Variants in KLHL32 observed in about 807,000 individuals in gnomAD.
The protein encoded by KLHL32 is kelch like family member 32.
In KLHL32, 35 loss-of-function variants were observed where a neutral mutation model predicts 64.8. The ratio of observed to expected loss-of-function variants is 0.54; its 90% CI spans 0.41 to 0.72. The LOEUF is 0.72. Among genes scored for constraint, KLHL32 ranks in the 30% least tolerant of loss-of-function variants. The pLI is 0.00. For missense variants in KLHL32, 589 were observed against 768.5 expected, an observed-to-expected ratio of 0.77 and a Z score of 2.76; for synonymous variants, 259 against 281.0, an observed-to-expected ratio of 0.92 and a Z score of 0.78.
intron 6 of KLHL32, among the ~76,000 whole-genome samples, chr6:97,112,434 G>T (rs1483606853): frequency 6.6e-6 from 1 of 151,892 alleles, no homozygotes; most frequent in Non-Finnish European, 1.5e-5. Flanking sequence ...ATGAATTGTG[G>T]TTTTTTCATT....
At chr6:97,057,027 G>T (rs1369798243) in intron 4 of KLHL32, among the ~76,000 whole-genome samples, 1 of 152,050 alleles carries the variant, frequency 6.6e-6, no homozygotes, top group African/African-American at 2.4e-5. Context: ...TAATTTTCAT[G>T]TATCACAACA....
At position 97,139,891 on chromosome 6, in the gene KLHL32, T is replaced by G. The variant is rs1021306863; in HGVS notation, c.*609T>G. ...GTTACTCTGACCTTGGGTCAGAACCTAACTTTACAGTGCTTCAGTTTTCCC... is the reference window on the plus strand; with the variant it reads ...GTTACTCTGACCTTGGGTCAGAACCGAACTTTACAGTGCTTCAGTTTTCCC... On this transcript the variant is annotated 3_prime_UTR_variant, in exon 11 of 11. Coordinates refer to ENST00000369261, the MANE Select transcript of KLHL32 (RefSeq NM_052904.4). 5.3e-5 allele frequency: 8 copies of G among 152,210 alleles called. No individual in the cohort carries two copies. The highest frequency in any genetic ancestry group is 1.9e-4 in the African/African-American group (8 of 41,462). 9.4% of individuals were successfully genotyped at this position (152,210 alleles called of 1,614,324 possible). A position where few individuals can be genotyped will look rare whatever the true frequency, so the allele number is the denominator to read the frequency against.
At chr6:97,118,062 G>T (rs1797987158) in intron 7 of KLHL32, among the ~76,000 whole-genome samples, 1 of 152,044 alleles carries the variant, frequency 6.6e-6, no homozygotes, top group Admixed American at 6.6e-5. Context: ...CTAGGAGCTG[G>T]CAATCAAATA....
chr6:97,101,344 A>C (rs1322704723), intron 6 of KLHL32, among the ~76,000 whole-genome samples: 1 of 152,162 alleles, frequency 6.6e-6, no homozygotes, highest in African/African-American at 2.4e-5. Context: ...ACAATTCCAA[A>C]TTTCATTAGA....
At chr6:97,112,406 A>G (rs2128208766) in intron 6 of KLHL32, among the ~76,000 whole-genome samples, 1 of 151,944 alleles carries the variant, frequency 6.6e-6, no homozygotes, top group East Asian at 1.9e-4. Flanking sequence ...TAATTAAATT[A>G]CTTTAGGTGC....
At chr6:97,061,564 TC>T (rs2128149528) in intron 4 of KLHL32, among the ~76,000 whole-genome samples, 1 of 152,290 alleles carries the variant, frequency 6.6e-6, no homozygotes, top group African/African-American at 2.4e-5. Flanking sequence ...ATCTCTTCCT[TC>T]CTGCAGGTGG....
At chr6:97,105,800 A>T (rs571352263) in intron 6 of KLHL32, among the ~76,000 whole-genome samples, 1 of 152,196 alleles carries the variant, frequency 6.6e-6, no homozygotes, top group East Asian at 1.9e-4. Flanking sequence ...AGACAATGAC[A>T]TAGGGCTTTA....
At chr6:97,043,822 A>G (rs1018815495) in intron 4 of KLHL32, among the ~76,000 whole-genome samples, 2 of 151,962 alleles carry the variant, frequency 1.3e-5, no homozygotes, top group African/African-American at 4.8e-5. Flanking sequence ...TTTTTTTCAT[A>G]TATCTGTTGG....
At chr6:96,987,584 C>A (rs2128058865) in intron 3 of KLHL32, among the ~76,000 whole-genome samples, 1 of 152,234 alleles carries the variant, frequency 6.6e-6, no homozygotes, top group East Asian at 1.9e-4. Context: ...ACTTTCTTCA[C>A]AGAATTGGAA....
chr6:96,920,072 C>A (rs1768702131), upstream of KLHL32, among the ~76,000 whole-genome samples: 1 of 152,130 alleles, frequency 6.6e-6, no homozygotes, highest in Non-Finnish European at 1.5e-5. Flanking sequence ...GGGAAAAAAA[C>A]CCGATGAGGA....
intron 1 of KLHL32, among the ~76,000 whole-genome samples, chr6:96,946,867 G>T (rs1251651204): frequency 6.6e-6 from 1 of 152,116 alleles, no homozygotes; most frequent in East Asian, 1.9e-4. Flanking sequence ...AATGAGAAAT[G>T]ATGGTAAAAG....
chr6:96,954,468 A>T (rs559912263), intron 1 of KLHL32, among the ~76,000 whole-genome samples: 14 of 152,212 alleles, frequency 9.2e-5, no homozygotes, highest in Middle Eastern at 3.4e-3. Flanking sequence ...CCATAAAGTG[A>T]TCTGGTTGAG....
At chr6:97,052,797 A>C (rs1329977076) in intron 4 of KLHL32, among the ~76,000 whole-genome samples, 6 of 152,220 alleles carry the variant, frequency 3.9e-5, no homozygotes, top group African/African-American at 1.4e-4. Context: ...AGAAAACTGG[A>C]TGTCTGGGTC....
At chr6:96,986,361 CA>C (rs1482629287) in intron 3 of KLHL32, among the ~76,000 whole-genome samples, 1 of 152,158 alleles carries the variant, frequency 6.6e-6, no homozygotes, top group African/African-American at 2.4e-5. Flanking sequence ...CTTAGATGTC[CA>C]ACTGCATGCT....
intron 6 of KLHL32, among the ~76,000 whole-genome samples, chr6:97,098,167 G>A (rs2128193046): frequency 6.6e-6 from 1 of 152,164 alleles, no homozygotes; most frequent in African/African-American, 2.4e-5. Context: ...TAATGCTGGT[G>A]TTTACAATGT....
In KLHL32 at chr6:97,081,029, T is replaced by G. The variant is rs181869284; in HGVS notation, c.412-4097T>G. 7.7e-4 allele frequency among the ~76,000 whole-genome samples: 117 copies of G among 152,294 alleles called. 1 individual carries two copies. The highest frequency in any genetic ancestry group is 2.7e-3 in the African/African-American group (113 of 41,558). On this transcript the variant is annotated intron_variant, in intron 5 of 10. Transcript: ENST00000369261. ...TTTAAAATGTAGATTTTGTTATTAT[T>G]GAGTTATGGTGAGGCCAACAGATCA...
At position 97,028,240 on chromosome 6, in the gene KLHL32, T is replaced by C. The variant is rs375853506; in HGVS notation, c.205-13252T>C. 2.9e-4 allele frequency among the ~76,000 whole-genome samples: 44 copies of C among 152,242 alleles called. 2 individuals carry two copies. The South Asian group carries it at 4.1e-3, about 14-fold the overall frequency. ...GATTCTATATTTCTTACAAGTTCCT[T>C]GGCAATACCAATGCTGCTATTCCAG... On this transcript the variant is annotated intron_variant, in intron 3 of 10. Transcript: ENST00000369261.
chr6:97,001,629 G>A (rs1779045502), intron 3 of KLHL32, among the ~76,000 whole-genome samples: 1 of 151,980 alleles, frequency 6.6e-6, no homozygotes, highest in Non-Finnish European at 1.5e-5. Flanking sequence ...CACCACACTT[G>A]GCTAATTTTT....
intron 6 of KLHL32, among the ~76,000 whole-genome samples, chr6:97,111,031 G>GGGT (rs1554243669): frequency 7.0e-6 from 1 of 142,434 alleles, no homozygotes; most frequent in African/African-American, 2.7e-5. Flanking sequence ...GAAAAGTCTT[G>GGGT]GGGGGGGGGG....
Sources: allele counts gnomAD v4.1 joint callset (sites outside exome capture counted in the v4.1 genomes callset), GRCh38; gene constraint gnomAD v4.1.1; transcripts MANE v1.5; gene names NCBI Gene and HGNC (gene_info 2026-07-23, HGNC 2026-07-21).